BTBD9: variants seen among roughly 807,000 people sequenced by gnomAD.
BTBD9 encodes the protein BTB/POZ domain-containing protein 9.
BTBD9 carries 49 observed loss-of-function variants against 64.3 expected under a neutral mutation model. The ratio of observed to expected loss-of-function variants is 0.76; its 90% CI spans 0.61 to 0.97. The LOEUF is 0.97. BTBD9 is among the 50% of genes least tolerant of loss of function. BTBD9 has a pLI of 0.00. For missense variants in BTBD9, 598 were observed against 762.1 expected (o/e 0.78, Z 2.53); for synonymous variants, 260 against 274.7 (o/e 0.95, Z 0.53).
Position 38,390,778 on chromosome 6 carries a change from G to A in BTBD9, c.1155-45685C>T, listed in dbSNP as rs185949020. 3.7e-4 allele frequency among the ~76,000 whole-genome samples: 57 copies of A among 152,240 alleles called. No homozygotes were observed. The East Asian group carries it at 8.5e-3, about 23-fold the overall frequency. Reference sequence around the variant, plus strand: ...CTTTAGTCACTTCTTTAATACAATCGTAAGCAATTTAAAGAACTGTACTTT... The same window carrying A: ...CTTTAGTCACTTCTTTAATACAATCATAAGCAATTTAAAGAACTGTACTTT... On this transcript the variant is annotated intron_variant, in intron 6 of 10. Transcript: ENST00000481247.
At chr6:38,426,411 C>T (rs543486013) in intron 6 of BTBD9, among the ~76,000 whole-genome samples, 18 of 152,060 alleles carry the variant, frequency 1.2e-4, no homozygotes, top group African/African-American at 3.6e-4. Flanking sequence ...CCCTTTGGGT[C>T]CCCTCCCCTT....
In BTBD9 at chr6:38,257,209, A is replaced by AT. The variant is rs200599043; in HGVS notation, c.1455-694dup. Among the ~76,000 whole-genome samples the AT allele has an allele frequency of 5.6e-3, 839 of 149,236 alleles. 6 individuals carry two copies. Among genetic ancestry groups the AT allele is most frequent in the African/African-American group, 0.019 (747 of 40,324 alleles). On this transcript the variant is annotated intron_variant, in intron 8 of 10. Coordinates refer to ENST00000481247, the MANE Select transcript of BTBD9 (RefSeq NM_001099272.2). ...CGAGCCACCGTGCCCAGCCTAATTG[A>AT]TTTTTTATTTTTAGAGCAAATTTTC...
chr6:38,375,938 A>G (rs867603641), intron 6 of BTBD9, among the ~76,000 whole-genome samples: 2 of 104,650 alleles, frequency 1.9e-5, no homozygotes, highest in Non-Finnish European at 1.9e-5. Context: ...AAAGAAAGAA[A>G]GAAGGAAAGA....
At chr6:38,581,056 G>A (rs1776263090) in intron 4 of BTBD9, among the ~76,000 whole-genome samples, 1 of 152,194 alleles carries the variant, frequency 6.6e-6, no homozygotes, top group East Asian at 1.9e-4. Flanking sequence ...GCCAGGCGTG[G>A]TGGCACATGC....
At chr6:38,639,600 G>A (rs1220417895) in intron 1 of BTBD9, among the ~76,000 whole-genome samples, 200 bp downstream of exon 1, 1 of 152,128 alleles carries the variant, frequency 6.6e-6, no homozygotes, top group Non-Finnish European at 1.5e-5. Context: ...CGTGGACTGC[G>A]AACGGGACGG....
intron 7 of BTBD9, among the ~76,000 whole-genome samples, chr6:38,314,671 G>A (rs1367349590): frequency 3.3e-5 from 5 of 151,626 alleles, no homozygotes; most frequent in Non-Finnish European, 4.4e-5. Context: ...ACTTGTTATT[G>A]GTCTGTTCAG....
intron 8 of BTBD9, among the ~76,000 whole-genome samples, chr6:38,264,745 G>A (rs1203783191): frequency 6.6e-6 from 1 of 152,216 alleles, no homozygotes; most frequent in African/African-American, 2.4e-5. Flanking sequence ...GGAGGACGCT[G>A]AGTCCAAAAT....
intron 7 of BTBD9, among the ~76,000 whole-genome samples, chr6:38,310,991 AG>A (rs1223605139): frequency 6.6e-6 from 1 of 152,050 alleles, no homozygotes; most frequent in Non-Finnish European, 1.5e-5. Context: ...TTGCAGTTTT[AG>A]TAGAGACGGG....
intron 6 of BTBD9, among the ~76,000 whole-genome samples, chr6:38,368,359 G>A (rs971671892): frequency 5.3e-5 from 8 of 152,138 alleles, no homozygotes; most frequent in East Asian, 1.9e-4. Flanking sequence ...CGGGGGAATG[G>A]AGTCTTGCTC....
chr6:38,403,135 A>T (rs1767014849), intron 6 of BTBD9, among the ~76,000 whole-genome samples: 1 of 152,046 alleles, frequency 6.6e-6, no homozygotes, highest in Non-Finnish European at 1.5e-5. Flanking sequence ...AAAAGAAGAG[A>T]AGAGAAGAAA....
intron 5 of BTBD9, among the ~76,000 whole-genome samples, chr6:38,578,895 A>G (rs940277489): frequency 6.6e-6 from 1 of 152,116 alleles, no homozygotes; most frequent in African/African-American, 2.4e-5. Flanking sequence ...CAAACATACT[A>G]AACTTTTCTT....
intron 7 of BTBD9, among the ~76,000 whole-genome samples, chr6:38,319,383 G>A (rs908921345): frequency 3.9e-5 from 6 of 151,936 alleles, no homozygotes; most frequent in South Asian, 2.1e-4. Flanking sequence ...CCACAGCTGC[G>A]AATATGCTGG....
intron 1 of BTBD9, among the ~76,000 whole-genome samples, chr6:38,605,807 G>A (rs1777413285): frequency 6.6e-6 from 1 of 152,194 alleles, no homozygotes. Context: ...GACAGAGCAA[G>A]ACCCTGTGTG....
chr6:38,553,711 G>T (rs1774905968), intron 6 of BTBD9, among the ~76,000 whole-genome samples: 1 of 152,146 alleles, frequency 6.6e-6, no homozygotes, highest in African/African-American at 2.4e-5. Flanking sequence ...TCTTTGACTA[G>T]CTGAGTGTTG....
chr6:38,278,444 T>C (rs912273292), intron 8 of BTBD9, among the ~76,000 whole-genome samples: 8 of 152,252 alleles, frequency 5.3e-5, no homozygotes, highest in African/African-American at 1.4e-4. Context: ...GCAGTTTCTA[T>C]AATTTATGAC....
intron 6 of BTBD9, among the ~76,000 whole-genome samples, chr6:38,509,290 A>C (rs925573912): frequency 4.6e-5 from 7 of 152,230 alleles, no homozygotes; most frequent in Non-Finnish European, 8.8e-5. Context: ...AATTTTTAAG[A>C]ATGAAATTTC....
At chr6:38,635,184 G>A (rs533419346) in intron 1 of BTBD9, among the ~76,000 whole-genome samples, 20 of 151,772 alleles carry the variant, frequency 1.3e-4, no homozygotes, top group Middle Eastern at 3.4e-3. Flanking sequence ...CACCTAGGCC[G>A]GAGTGCAGTG....
At chr6:38,389,391 C>G (rs562475363) in intron 6 of BTBD9, among the ~76,000 whole-genome samples, 199 of 152,246 alleles carry the variant, frequency 1.3e-3, no homozygotes, top group Non-Finnish European at 2.4e-3. Flanking sequence ...CAAAAAGACC[C>G]AGGAAATTTC....
chr6:38,525,468 T>C (rs770751732), intron 6 of BTBD9, among the ~76,000 whole-genome samples: 4 of 152,256 alleles, frequency 2.6e-5, no homozygotes, highest in Non-Finnish European at 5.9e-5. Context: ...TGTACTGCTA[T>C]AAAGATACAG....
Sources: allele counts gnomAD v4.1 joint callset (sites outside exome capture counted in the v4.1 genomes callset), GRCh38; gene constraint gnomAD v4.1.1; transcripts MANE v1.5; gene names NCBI Gene and HGNC (gene_info 2026-07-23, HGNC 2026-07-21).